The following WLS variants were observed in gnomAD, a reference collection of about 807,000 sequenced individuals.
WLS encodes the protein Wnt ligand secretion mediator.
In WLS, 23 loss-of-function variants were observed where a neutral mutation model predicts 62.8. That is an observed-to-expected ratio of 0.37 (90% CI 0.26 to 0.52). The LOEUF is 0.52. WLS is among the 20% of genes least tolerant of loss of function. The pLI is 0.92. For synonymous variants in WLS, 246 were observed against 244.1 expected (o/e 1.01, Z -0.07); for missense variants, 615 against 697.3 (o/e 0.88, Z 1.33).
intron 2 of WLS, among the ~76,000 whole-genome samples, chr1:68,189,490 G>A (rs1648167237): frequency 6.6e-6 from 1 of 151,986 alleles, no homozygotes; most frequent in South Asian, 2.1e-4. Flanking sequence ...ATGTATATAT[G>A]TATAGGAAGA....
chr1:68,121,127 C>T (rs190473364), downstream of WLS: 2 of 152,298 alleles, frequency 1.3e-5, no homozygotes, highest in South Asian at 2.1e-4. Flanking sequence ...TTTCCTAGGA[C>T]ATCAAGCCCT....
intron 1 of WLS, among the ~76,000 whole-genome samples, chr1:68,204,618 T>C (rs1000928892): frequency 2.6e-5 from 4 of 152,228 alleles, no homozygotes; most frequent in Non-Finnish European, 5.9e-5. Context: ...GAAATATTTT[T>C]TTAAAAAACA....
At chr1:68,185,362 A>T (rs1225036404) in intron 2 of WLS, among the ~76,000 whole-genome samples, 1 of 152,208 alleles carries the variant, frequency 6.6e-6, no homozygotes, top group African/African-American at 2.4e-5. Flanking sequence ...CACATGAACA[A>T]CCAGATAAAA....
At chr1:68,168,982 G>T (rs1396499302) in intron 2 of WLS, among the ~76,000 whole-genome samples, 1 of 152,214 alleles carries the variant, frequency 6.6e-6, no homozygotes, top group Non-Finnish European at 1.5e-5. Flanking sequence ...TGCCCTACAG[G>T]CCTGGGTGTG....
intron 5 of WLS, 67 bp from the exon 6 acceptor site, chr1:68,150,423 C>T (rs1050547192): frequency 6.3e-7 from 1 of 1,586,746 alleles, no homozygotes; most frequent in Admixed American, 1.7e-5. Context: ...AAACAATTCC[C>T]CGAATTCAGT....
intron 1 of WLS, among the ~76,000 whole-genome samples, chr1:68,207,861 A>G (rs914429009): frequency 6.6e-6 from 1 of 152,248 alleles, no homozygotes; most frequent in Non-Finnish European, 1.5e-5. Context: ...TGAAGCCTTA[A>G]TGAATGTTAG....
chr1:68,134,775 T>A (rs368323433), intron 11 of WLS, among the ~76,000 whole-genome samples: 1 of 152,344 alleles, frequency 6.6e-6, no homozygotes, highest in East Asian at 1.9e-4. Flanking sequence ...GATCAAGCTG[T>A]CTTTGATGAA....
At chr1:68,138,297 C>T in intron 10 of WLS, 2 of 212,830 alleles carry the variant, frequency 9.4e-6, no homozygotes, top group Non-Finnish European at 1.9e-5. Flanking sequence ...GTCTTCCCAG[C>T]TAGATGTCAA....
chr1:68,119,211 A>G (rs745815085), intron 11 of WLS, among the ~76,000 whole-genome samples: 13 of 152,232 alleles, frequency 8.5e-5, no homozygotes, highest in Admixed American at 2.0e-4. Context: ...GGCAGGTTAT[A>G]TAACTGTCCA....
In WLS at chr1:68,110,651, A is replaced by ATCTCTCTC. The variant is rs752431176; in HGVS notation, c.1511-11899_1511-11898insGAGAGAGA. ...GGAACAGACTAAGAAGCCCCCAAAA[A>ATCTCTCTC]TCTCTGTCTCTCTCTCTCTCTCTCT... On this transcript the variant is annotated intron_variant, in intron 11 of 11. Transcript: ENST00000354777. 5.8e-4 allele frequency among the ~76,000 whole-genome samples: 73 copies of ATCTCTCTC among 126,232 alleles called. 1 individual carries two copies. Among genetic ancestry groups the ATCTCTCTC allele is most frequent in the African/African-American group, 2.2e-3 (72 of 32,532 alleles). 82.8% of individuals were successfully genotyped at this position (126,232 alleles called of 152,430 possible).
At chr1:68,214,182 A>AAC (rs71581159) in intron 1 of WLS, among the ~76,000 whole-genome samples, 18,841 of 146,516 alleles carry the variant, frequency 0.13, 1,559 homozygotes, top group East Asian at 0.35. Flanking sequence ...GTGATCTCTG[A>AAC]ACACACACAC....
intron 11 of WLS, among the ~76,000 whole-genome samples, chr1:68,133,063 ACAGCAG>A (rs1011324271): frequency 1.9e-5 from 1 of 53,080 alleles, no homozygotes; most frequent in African/African-American, 6.1e-5. Context: ...AGCAACAGCA[ACAGCAG>A]CAGCAGCAGC....
chr1:68,165,184 G>T (rs1413346481), intron 2 of WLS, among the ~76,000 whole-genome samples: 2 of 152,178 alleles, frequency 1.3e-5, no homozygotes, highest in Non-Finnish European at 2.9e-5. Flanking sequence ...CTCACACACA[G>T]GTTACAAATT....
chr1:68,099,308 A>C (rs1646048089), intron 11 of WLS, among the ~76,000 whole-genome samples: 1 of 152,240 alleles, frequency 6.6e-6, no homozygotes, highest in African/African-American at 2.4e-5. Context: ...TGAAGAATGA[A>C]AGAAAAACAG....
At chr1:68,134,974 C>T (rs1249493514) in intron 11 of WLS, among the ~76,000 whole-genome samples, 3 of 152,170 alleles carry the variant, frequency 2.0e-5, no homozygotes, top group African/African-American at 7.2e-5. Flanking sequence ...GCTCTGGGCT[C>T]CCACTTGCTG....
intron 1 of WLS, among the ~76,000 whole-genome samples, chr1:68,199,993 A>AT (rs1371193815): frequency 1.3e-5 from 2 of 152,200 alleles, no homozygotes; most frequent in African/African-American, 4.8e-5. Context: ...CAAAGATGAT[A>AT]TTTAAAGAAT....
chr1:68,136,674 T>G (rs1318382963), intron 11 of WLS, among the ~76,000 whole-genome samples: 1 of 152,228 alleles, frequency 6.6e-6, no homozygotes, highest in African/African-American at 2.4e-5. Context: ...AATATTCCAT[T>G]GAATGTCATT....
chr1:68,222,851 G>A (rs1331105326), intron 1 of WLS, among the ~76,000 whole-genome samples: 2 of 144,258 alleles, frequency 1.4e-5, no homozygotes, highest in Non-Finnish European at 3.0e-5. Flanking sequence ...CAGCTTTAGG[G>A]TGGAATCAAG....
At chr1:68,207,837 T>C (rs1649347914) in intron 1 of WLS, among the ~76,000 whole-genome samples, 1 of 152,224 alleles carries the variant, frequency 6.6e-6, no homozygotes, top group African/African-American at 2.4e-5. Flanking sequence ...CCTATTACAG[T>C]ACCATGAAAA....
Sources: gnomAD v4.1 joint callset for allele counts (sites outside exome capture counted in the v4.1 genomes callset) on GRCh38, gnomAD v4.1.1 for gene constraint, MANE v1.5 for transcripts, NCBI Gene and HGNC (gene_info 2026-07-23, HGNC 2026-07-21) for gene names.